CLIC5: variants seen among roughly 807,000 people sequenced by gnomAD.
The protein encoded by CLIC5 is chloride intracellular channel protein 5.
CLIC5 carries 20 observed loss-of-function variants against 24.7 expected under a neutral mutation model. The ratio of observed to expected loss-of-function variants is 0.81; its 90% CI spans 0.57 to 1.18. The LOEUF is 1.18. Ranked by LOEUF, CLIC5 falls within the 50% of genes most tolerant of loss-of-function variation. The probability of loss-of-function intolerance (pLI) is 0.00; values close to 1 mark genes in which losing one functional copy is unlikely to be tolerated. For missense variants in CLIC5, 341 were observed against 326.1 expected, an observed-to-expected ratio of 1.05 and a Z score of -0.35; for synonymous variants, 159 against 135.6, an observed-to-expected ratio of 1.17 and a Z score of -1.20.
At chr6:46,054,412 G>A (rs904859088) in intron 1 of CLIC5, among the ~76,000 whole-genome samples, 3 of 152,150 alleles carry the variant, frequency 2.0e-5, no homozygotes, top group African/African-American at 7.2e-5. Flanking sequence ...GCTACTCAAA[G>A]GCCTCCTGTG....
chr6:46,033,299 T>G (rs1030740424), intron 1 of CLIC5, among the ~76,000 whole-genome samples: 1 of 151,864 alleles, frequency 6.6e-6, no homozygotes, highest in East Asian at 1.9e-4. Context: ...ATCTATAGTT[T>G]TTTTTTTTTT....
At chr6:46,099,657 G>A in the CLIC5 span, among the ~76,000 whole-genome samples, 4 of 152,078 alleles carry the variant, frequency 2.6e-5, no homozygotes, top group Admixed American at 6.6e-5. Context: ...GACCATGTGT[G>A]TCTTTAAACC....
chr6:46,021,300 G>A (rs988656999), intron 1 of CLIC5, among the ~76,000 whole-genome samples: 2 of 152,102 alleles, frequency 1.3e-5, no homozygotes, highest in Non-Finnish European at 2.9e-5. Flanking sequence ...AGAATACAGA[G>A]CAACTGGAAC....
intron 4 of CLIC5, among the ~76,000 whole-genome samples, chr6:45,939,443 T>G (rs970254639): frequency 4.6e-5 from 7 of 152,022 alleles, no homozygotes; most frequent in Non-Finnish European, 1.0e-4. Flanking sequence ...CCACCCACCT[T>G]GGCCTCCTAC....
At chr6:45,994,193 ATGT>A (rs767158515) in intron 1 of CLIC5, among the ~76,000 whole-genome samples, 24 of 152,256 alleles carry the variant, frequency 1.6e-4, no homozygotes, top group South Asian at 6.2e-4. Flanking sequence ...ACTGTCTTAC[ATGT>A]TGTTGCTCAG....
intron 5 of CLIC5, among the ~76,000 whole-genome samples, chr6:45,908,205 A>T (rs1323179842): frequency 1.3e-5 from 2 of 151,932 alleles, no homozygotes; most frequent in African/African-American, 4.8e-5. Context: ...GATCTTCTTT[A>T]TCCTTTCAAA....
chr6:46,060,714 C>G (rs1762236376), intron 1 of CLIC5, among the ~76,000 whole-genome samples: 1 of 151,218 alleles, frequency 6.6e-6, no homozygotes, highest in African/African-American at 2.5e-5. Context: ...ACCTGCCACC[C>G]TGGTGCCTGC....
intron 1 of CLIC5, among the ~76,000 whole-genome samples, chr6:45,976,149 A>C (rs1471283926): frequency 6.6e-6 from 1 of 152,226 alleles, no homozygotes; most frequent in Non-Finnish European, 1.5e-5. Context: ...TATAGCTTCC[A>C]GTCACCTATG....
intron 1 of CLIC5, among the ~76,000 whole-genome samples, chr6:46,000,602 G>A (rs867943954): frequency 5.9e-5 from 9 of 152,218 alleles, no homozygotes; most frequent in Admixed American, 3.3e-4. Context: ...ATTGACTCAC[G>A]GTTCCGCAGG....
intron 1 of CLIC5, among the ~76,000 whole-genome samples, chr6:46,049,451 A>AGAT (rs1409736057): frequency 6.6e-6 from 1 of 152,090 alleles, no homozygotes; most frequent in Non-Finnish European, 1.5e-5. Flanking sequence ...CATTTCTAGC[A>AGAT]GATAGGAATA....
At chr6:45,961,116 T>A (rs894009977) in intron 1 of CLIC5, among the ~76,000 whole-genome samples, 1 of 152,222 alleles carries the variant, frequency 6.6e-6, no homozygotes, top group Non-Finnish European at 1.5e-5. Context: ...TTGACTTCTT[T>A]AAAAACCTGG....
intron 1 of CLIC5, among the ~76,000 whole-genome samples, chr6:46,068,566 G>T (rs963028729): frequency 3.6e-4 from 55 of 152,116 alleles, no homozygotes; most frequent in African/African-American, 1.3e-3. Context: ...AGCATTTAAT[G>T]TTATGGCCCG....
chr6:46,011,262 C>A (rs938033712), intron 1 of CLIC5, among the ~76,000 whole-genome samples: 3 of 152,206 alleles, frequency 2.0e-5, no homozygotes, highest in African/African-American at 7.2e-5. Flanking sequence ...AGCTTTCTAT[C>A]AACAACACTT....
chr6:45,958,451 T>TCACACACACACACACAC (rs1764735975), intron 1 of CLIC5, among the ~76,000 whole-genome samples: 1 of 21,730 alleles, frequency 4.6e-5, no homozygotes, highest in African/African-American at 8.1e-5. Flanking sequence ...TATATATATA[T>TCACACACACACACACAC]ATATATATAT....
At chr6:45,920,576 C>T (rs114925602) in intron 4 of CLIC5, 14,620 of 540,458 alleles carry the variant, frequency 0.027, 215 homozygotes, top group Non-Finnish European at 0.031. Context: ...CACTTGTTGA[C>T]ATTTGATAGT....
At chr6:46,105,898 T>C in the CLIC5 span, among the ~76,000 whole-genome samples, 1 of 152,210 alleles carries the variant, frequency 6.6e-6, no homozygotes, top group African/African-American at 2.4e-5. Flanking sequence ...TATGTATTTC[T>C]TTGTGTTTAG....
intron 1 of CLIC5, among the ~76,000 whole-genome samples, chr6:45,979,976 G>A (rs1160927061): frequency 1.7e-5 from 1 of 57,724 alleles, no homozygotes; most frequent in African/African-American, 5.4e-5. Flanking sequence ...TTTTTGCCAA[G>A]GTTGATGTCT....
rs559908834 is a variant in CLIC5, at chr6:46,069,050, G to T, written c.540+10653C>A. Reference sequence around the variant, plus strand: ...CTCCTGAAAAGGTGACTTCTAGGCTGCATTTGAAAGGACAGGAAGGAAAAG... The same window carrying T: ...CTCCTGAAAAGGTGACTTCTAGGCTTCATTTGAAAGGACAGGAAGGAAAAG... On this transcript the variant is annotated intron_variant, in intron 1 of 5. Transcript: ENST00000185206. 2.6e-5 allele frequency among the ~76,000 whole-genome samples: 4 copies of T among 152,270 alleles called. No individual in the cohort carries two copies. The East Asian group carries it at 7.7e-4, about 29-fold the overall frequency.
intron 6 of CLIC5, among the ~76,000 whole-genome samples, chr6:45,882,995 T>C (rs933613564): frequency 1.3e-5 from 2 of 152,198 alleles, no homozygotes; most frequent in Non-Finnish European, 2.9e-5. Context: ...ATTAGTGGTG[T>C]GGCCAGAAAG....
Sources: allele counts gnomAD v4.1 joint callset (sites outside exome capture counted in the v4.1 genomes callset), GRCh38; gene constraint gnomAD v4.1.1; transcripts MANE v1.5; gene names NCBI Gene and HGNC (gene_info 2026-07-23, HGNC 2026-07-21).